The following RAB40C variants were observed in gnomAD, a reference collection of about 807,000 sequenced individuals.
The protein encoded by RAB40C is ras-related protein Rab-40C.
Under a neutral mutation model 28.1 loss-of-function variants are expected in RAB40C, and 8 were observed. The observed-to-expected ratio is 0.28, with a 90% CI of 0.17 to 0.51. The LOEUF is 0.51. RAB40C is among the 20% of genes least tolerant of loss of function. The probability of loss-of-function intolerance (pLI) is 0.97; values close to 1 mark genes in which losing one functional copy is unlikely to be tolerated. For missense variants in RAB40C, 288 were observed against 405.9 expected, an observed-to-expected ratio of 0.71 and a Z score of 2.50; for synonymous variants, 201 against 171.7, an observed-to-expected ratio of 1.17 and a Z score of -1.34.
At chr16:594,865 G>T (rs2036079542) in intron 1 of RAB40C, among the ~76,000 whole-genome samples, 1 of 150,592 alleles carries the variant, frequency 6.6e-6, no homozygotes, top group African/African-American at 2.5e-5. Flanking sequence ...TCTTGCGCAG[G>T]CTGGAGTGCA....
intron 5 of RAB40C, 109 bp downstream of exon 5, chr16:626,230 C>A: frequency 8.7e-7 from 1 of 1,145,248 alleles, no homozygotes; most frequent in South Asian, 1.3e-5. Context: ...AGGCAGGTCC[C>A]TTGGCAACGC....
intron 1 of RAB40C, chr16:596,453 G>A (rs905199719): frequency 1.3e-5 from 5 of 383,760 alleles, no homozygotes; most frequent in Non-Finnish European, 2.6e-5. Context: ...CACATGGTAC[G>A]ATGCCACCCC....
rs992328256 is a variant in RAB40C at position 624,529 on chromosome 16, G to A, written c.265-903G>A. The A allele has an allele frequency of 4.1e-6, 4 of 985,312 alleles. No individual in the cohort carries two copies. In the African/African-American group the frequency reaches 5.2e-5, roughly 13 times the overall value. 61.0% of individuals were successfully genotyped at this position (985,312 alleles called of 1,614,324 possible). ...AAACAGGACCTGGGGCTACACTTCA[G>A]TCTTCCAGATATCGAAAGATGGTTC... is the stretch of plus-strand genomic sequence containing the variant. On this transcript the variant is annotated intron_variant, in intron 3 of 5. Coordinates refer to ENST00000248139, the MANE Select transcript of RAB40C (RefSeq NM_021168.5).
At chr16:625,611 C>T in intron 4 of RAB40C, 102 bp downstream of exon 4, 4 of 1,244,828 alleles carry the variant, frequency 3.2e-6, no homozygotes, top group Non-Finnish European at 4.6e-6. Flanking sequence ...CCTCCTGTGG[C>T]CCCGGCTCTG....
At chr16:594,810 T>C (rs1596396634) in intron 1 of RAB40C, among the ~76,000 whole-genome samples, 1 of 148,274 alleles carries the variant, frequency 6.7e-6, no homozygotes, top group Admixed American at 6.7e-5. Context: ...TAGGTTTTGC[T>C]CGTCTTCCTT....
intron 1 of RAB40C, among the ~76,000 whole-genome samples, chr16:598,364 G>A (rs1400975411): frequency 3.5e-5 from 5 of 142,312 alleles, no homozygotes; most frequent in East Asian, 2.1e-4. Flanking sequence ...GTGACAGAGC[G>A]AGACTCCACC....
chr16:614,026 C>G (rs1466805587), intron 1 of RAB40C, among the ~76,000 whole-genome samples: 3 of 152,134 alleles, frequency 2.0e-5, no homozygotes, highest in Non-Finnish European at 4.4e-5. Context: ...TGGTGAACTG[C>G]CTAACTCTAC....
At chr16:597,473 C>CTTTA (rs1555454404) in intron 1 of RAB40C, among the ~76,000 whole-genome samples, 4 of 142,762 alleles carry the variant, frequency 2.8e-5, no homozygotes, top group Non-Finnish European at 6.2e-5. Flanking sequence ...CATCTAGCAT[C>CTTTA]TTTTTTTTTT....
rs990444605 is a variant in RAB40C, at chr16:623,245, G to T, written c.265-2187G>T. Among the ~76,000 whole-genome samples the T allele has an allele frequency of 3.9e-5, 6 of 152,254 alleles. No individual in the cohort carries two copies. The East Asian group carries it at 1.2e-3, about 29-fold the overall frequency. On this transcript the variant is annotated intron_variant, in intron 3 of 5. Transcript: ENST00000248139. ...CATGCGAATAGGGGTGTTTGCCACA[G>T]AAAACAGGTCAGCATCAAAAGTTAC...
intron 1 of RAB40C, among the ~76,000 whole-genome samples, chr16:614,462 C>T (rs2036547303): frequency 6.9e-6 from 1 of 144,598 alleles, no homozygotes; most frequent in African/African-American, 2.6e-5. Context: ...AACTCTACCA[C>T]ATCCCGATGG....
rs1346058948 is a variant in RAB40C at position 590,545 on chromosome 16, AC to A, written c.142+113del. The A allele has an allele frequency of 4.6e-6, 6 of 1,313,392 alleles. No individual in the cohort carries two copies. In the East Asian group the frequency reaches 1.9e-4, roughly 42 times the overall value. The allele number at this position is 1,313,392 out of a possible 1,614,324, so 81.4% of individuals were successfully genotyped here. On this transcript the variant is annotated intron_variant, in intron 1 of 5. Transcript: ENST00000248139. ...CAAGCGCCGCCGAACGTTCCCAGGA[AC>A]GCCTTTGCCTGGCTTCCAGACTCGG...
rs893190356 is a variant in RAB40C, at chr16:627,853, C to T, written c.*231C>T. ...TGCTGGTGCTTCCGGGAATCTTGGT[C>T]GGAAACAAGCCGGGCCTCCCCAGCT... On this transcript the variant is annotated 3_prime_UTR_variant, in exon 6 of 6. Transcript: ENST00000248139. 5.7e-5 allele frequency: 28 copies of T among 488,800 alleles called. No homozygotes were observed. Among genetic ancestry groups the T allele is most frequent in the Non-Finnish European group, 8.3e-5 (24 of 289,754 alleles). The allele number at this position is 488,800 out of a possible 1,614,324, so 30.3% of individuals were successfully genotyped here. A position where few individuals can be genotyped will look rare whatever the true frequency, so the allele number is the denominator to read the frequency against.
chr16:605,041 G>C (rs2036331072), intron 1 of RAB40C, among the ~76,000 whole-genome samples: 1 of 152,120 alleles, frequency 6.6e-6, no homozygotes, highest in South Asian at 2.1e-4. Context: ...CTGGGCGACA[G>C]AGTGAGACTT....
At chr16:621,060 CTT>C (rs944165516) in intron 3 of RAB40C, among the ~76,000 whole-genome samples, 4 of 152,242 alleles carry the variant, frequency 2.6e-5, no homozygotes, top group Non-Finnish European at 4.4e-5. Flanking sequence ...TTTGTTTTGT[CTT>C]GTTAACTCTG....
intron 3 of RAB40C, among the ~76,000 whole-genome samples, chr16:623,225 G>A (rs545448567): frequency 6.6e-6 from 1 of 152,362 alleles, no homozygotes; most frequent in East Asian, 1.9e-4. Flanking sequence ...AGTGTCATGC[G>A]AATAGGGGTG....
intron 1 of RAB40C, among the ~76,000 whole-genome samples, chr16:601,028 C>T (rs1306611721): frequency 1.3e-5 from 2 of 152,150 alleles, no homozygotes; most frequent in East Asian, 3.9e-4. Context: ...GCATTTAGAC[C>T]CTTAGCCTCC....
intron 1 of RAB40C, among the ~76,000 whole-genome samples, chr16:608,847 G>T (rs2036419989): frequency 6.6e-6 from 1 of 152,202 alleles, no homozygotes; most frequent in Non-Finnish European, 1.5e-5. Flanking sequence ...TTGTGTGGCG[G>T]CTCATACCTG....
At position 619,259 on chromosome 16, in the gene RAB40C, A is replaced by G. The variant is rs368501505; in HGVS notation, c.264+999A>G. 8.6e-5 allele frequency among the ~76,000 whole-genome samples: 12 copies of G among 139,012 alleles called. 1 individual carries two copies. In the South Asian group the frequency reaches 2.9e-3, roughly 33 times the overall value. 91.2% of individuals were successfully genotyped at this position (139,012 alleles called of 152,430 possible). A position where few individuals can be genotyped will look rare whatever the true frequency, so the allele number is the denominator to read the frequency against. On this transcript the variant is annotated intron_variant, in intron 3 of 5. Coordinates refer to ENST00000248139, the MANE Select transcript of RAB40C (RefSeq NM_021168.5). ...GCGGGGGCACTGGGGCCATGTGTGC[A>G]GTGTGTGTGCAGGTGTGGTGTACTT...
intron 1 of RAB40C, among the ~76,000 whole-genome samples, chr16:593,653 C>G (rs776193746): frequency 6.6e-6 from 1 of 152,210 alleles, no homozygotes; most frequent in Non-Finnish European, 1.5e-5. Flanking sequence ...AATGAGTCAT[C>G]GAAGTGACCT....
Sources: allele counts gnomAD v4.1 joint callset (sites outside exome capture counted in the v4.1 genomes callset), GRCh38; gene constraint gnomAD v4.1.1; transcripts MANE v1.5; gene names NCBI Gene and HGNC (gene_info 2026-07-23, HGNC 2026-07-21).